Variants in VWA3B observed in about 807,000 individuals in gnomAD.
VWA3B encodes von Willebrand factor A domain containing 3B, also known as von Willebrand factor A domain-containing protein 3B.
VWA3B carries 138 observed loss-of-function variants against 158.3 expected under a neutral mutation model. The observed-to-expected ratio is 0.87, with a 90% confidence interval of 0.76 to 1.00. VWA3B has a LOEUF of 1.00. Among genes scored for constraint, VWA3B ranks in the 50% least tolerant of loss-of-function variants. The probability of loss-of-function intolerance (pLI) is 0.00; values close to 1 mark genes in which losing one functional copy is unlikely to be tolerated. For synonymous variants in VWA3B, 596 were observed against 587.3 expected, an observed-to-expected ratio of 1.01 and a Z score of -0.21; for missense variants, 1,555 against 1,565.1, an observed-to-expected ratio of 0.99 and a Z score of 0.11.
At chr2:98,092,638 T>A (rs973719564) in intron 1 of VWA3B, among the ~76,000 whole-genome samples, 8 of 151,566 alleles carry the variant, frequency 5.3e-5, no homozygotes, top group Non-Finnish European at 8.8e-5. Flanking sequence ...GCGAGACTCC[T>A]TCTCAAAAAC....
At chr2:98,093,604 T>A (rs969824967) in intron 2 of VWA3B, among the ~76,000 whole-genome samples, 2 of 152,212 alleles carry the variant, frequency 1.3e-5, no homozygotes, top group African/African-American at 4.8e-5. Context: ...AATGGCTGTA[T>A]CTAGCTAATT....
At chr2:98,194,895 A>T (rs963097034) in intron 12 of VWA3B, among the ~76,000 whole-genome samples, 1 of 152,210 alleles carries the variant, frequency 6.6e-6, no homozygotes, top group Non-Finnish European at 1.5e-5. Context: ...AGTAAGGAGC[A>T]TGTGGAAATA....
Position 98,312,525 on chromosome 2 carries a change from C to A in VWA3B, c.*176C>A. 1.4e-6 allele frequency: 1 copy of A among 730,460 alleles called. No individual in the cohort carries two copies. Among genetic ancestry groups the A allele is most frequent in the East Asian group, 2.8e-5 (1 of 35,956 alleles). The allele number at this position is 730,460 out of a possible 1,614,324, so 45.2% of individuals were successfully genotyped here. ...CCTCCATCCCTGCTGCCTCCCCTAC[C>A]CGTTTGACGACTTGGTTCTGGCTTT... On this transcript the variant is annotated 3_prime_UTR_variant, in exon 28 of 28. Coordinates refer to ENST00000477737, the MANE Select transcript of VWA3B (RefSeq NM_144992.5).
chr2:98,169,417 G>A (rs1164071198), intron 8 of VWA3B, among the ~76,000 whole-genome samples: 1 of 149,634 alleles, frequency 6.7e-6, no homozygotes, highest in African/African-American at 2.5e-5. Context: ...AGCTGACAAA[G>A]GAAATAAAAT....
intron 6 of VWA3B, among the ~76,000 whole-genome samples, chr2:98,129,224 A>AGAGAGAGTGTGTGTGTGTGT (rs1370543551): frequency 1.2e-4 from 15 of 124,654 alleles, no homozygotes; most frequent in South Asian, 5.4e-4. Flanking sequence ...AGAGAGAGAG[A>AGAGAGAGTGTGTGTGTGTGT]GTGTGTGTGT....
At chr2:98,310,915 G>C (rs1690846986) in intron 26 of VWA3B, among the ~76,000 whole-genome samples, 1 of 152,156 alleles carries the variant, frequency 6.6e-6, no homozygotes. Flanking sequence ...CTTTCACAAG[G>C]GATTTGAATG....
intron 7 of VWA3B, among the ~76,000 whole-genome samples, chr2:98,149,217 A>T (rs1677416921): frequency 6.6e-6 from 1 of 152,246 alleles, no homozygotes; most frequent in Non-Finnish European, 1.5e-5. Flanking sequence ...TTAAAGCCTT[A>T]AACATTTTGA....
chr2:98,222,134 G>A (rs1048759165), intron 14 of VWA3B, among the ~76,000 whole-genome samples: 11 of 152,088 alleles, frequency 7.2e-5, no homozygotes, highest in East Asian at 3.9e-4. Flanking sequence ...CTCCACTTCC[G>A]TTCAGCATCG....
intron 8 of VWA3B, among the ~76,000 whole-genome samples, chr2:98,165,563 C>T (rs1051300511): frequency 3.3e-5 from 5 of 152,046 alleles, no homozygotes; most frequent in Non-Finnish European, 4.4e-5. Context: ...GAGGTCAGGC[C>T]GGCTGGGAAA....
intron 24 of VWA3B, among the ~76,000 whole-genome samples, chr2:98,298,441 T>TGCCATG (rs1558773870): frequency 8.4e-6 from 1 of 118,438 alleles, no homozygotes; most frequent in African/African-American, 3.0e-5. Flanking sequence ...TCTATTCTAT[T>TGCCATG]CTATGCCATG....
intron 8 of VWA3B, among the ~76,000 whole-genome samples, chr2:98,177,051 T>C (rs1680072706): frequency 1.3e-5 from 2 of 152,146 alleles, no homozygotes; most frequent in South Asian, 2.1e-4. Flanking sequence ...AAATCCCTGA[T>C]GGCTGTGAGC....
intron 7 of VWA3B, among the ~76,000 whole-genome samples, chr2:98,138,437 A>G (rs1228017253): frequency 6.6e-6 from 1 of 152,116 alleles, no homozygotes; most frequent in African/African-American, 2.4e-5. Context: ...AAATTCCATA[A>G]TTGTATTTTT....
At chr2:98,212,988 C>T (rs1261720843) in intron 13 of VWA3B, among the ~76,000 whole-genome samples, 4 of 152,054 alleles carry the variant, frequency 2.6e-5, no homozygotes, top group African/African-American at 7.2e-5. Flanking sequence ...TAATACAACA[C>T]GGGAACAGGG....
intron 1 of VWA3B, among the ~76,000 whole-genome samples, chr2:98,091,125 C>T (rs1010693353): frequency 6.6e-6 from 1 of 152,086 alleles, no homozygotes; most frequent in Non-Finnish European, 1.5e-5. Context: ...ATTAGCGTTC[C>T]GGATGAGGAC....
chr2:98,256,154 A>G lies in VWA3B; in HGVS notation c.2823A>G (p.Leu941=). The change falls in exon 21 of 28, where the codon TTA becomes TTG. Residue 941 remains leucine, a synonymous_variant. Coordinates refer to ENST00000477737, the MANE Select transcript of VWA3B (RefSeq NM_144992.5). ...TGAATAAAATTGTTTGGCGAGCATTATCTCAAGAGGAAAAAGAAAAGTAAG... is the reference window on the plus strand; with the variant it reads ...TGAATAAAATTGTTTGGCGAGCATTGTCTCAAGAGGAAAAAGAAAAGTAAG... ...KRLNKIVWRA[L]SQEEKEKLDA... 1.2e-6 allele frequency: 2 copies of G among 1,612,932 alleles called. No homozygotes were observed. Among genetic ancestry groups the G allele is most frequent in the Non-Finnish European group, 8.5e-7 (1 of 1,179,710 alleles).
At chr2:98,309,914 T>C (rs1429577861) in intron 26 of VWA3B, among the ~76,000 whole-genome samples, 3 of 152,228 alleles carry the variant, frequency 2.0e-5, no homozygotes, top group Admixed American at 6.5e-5. Context: ...CAACAAACCC[T>C]GTCTGTGAGT....
intron 2 of VWA3B, among the ~76,000 whole-genome samples, chr2:98,114,653 A>G (rs1573799648): frequency 6.6e-6 from 1 of 152,202 alleles, no homozygotes; most frequent in African/African-American, 2.4e-5. Flanking sequence ...AATAATTAAA[A>G]TTACAATAAA....
rs766282559 is a variant in VWA3B, at chr2:98,234,609, C to A, written c.2309-39C>A. ...TATCTAATGAAGTATCTCCTTCCAT[C>A]CCCAATTCCTTTAACTCTTCCCTCT... On this transcript the variant is annotated intron_variant, in intron 16 of 27. Transcript: ENST00000477737. 7 of 1,613,206 alleles carry A rather than the reference C, an allele frequency of 4.3e-6. No homozygotes were observed. The East Asian group carries it at 1.3e-4, about 31-fold the overall frequency.
At chr2:98,270,655 T>C in intron 21 of VWA3B, 27 bp from the exon 22 acceptor site, 1 of 1,593,928 alleles carries the variant, frequency 6.3e-7, no homozygotes, top group South Asian at 1.1e-5. Flanking sequence ...CTTCCTCTGT[T>C]TGTTTGTTTG....
Sources: gnomAD v4.1 joint callset for allele counts (sites outside exome capture counted in the v4.1 genomes callset) on GRCh38, gnomAD v4.1.1 for gene constraint, MANE v1.5 for transcripts, NCBI Gene and HGNC (gene_info 2026-07-23, HGNC 2026-07-21) for gene names.